Variants in MCF2L2 observed in about 807,000 individuals in gnomAD.
The protein encoded by MCF2L2 is probable guanine nucleotide exchange factor MCF2L2.
MCF2L2 carries 102 observed loss-of-function variants against 150.2 expected under a neutral mutation model. The ratio of observed to expected loss-of-function variants is 0.68; its 90% confidence interval spans 0.58 to 0.80. The LOEUF (loss-of-function observed/expected upper bound fraction) is 0.80, where lower values mean the gene tolerates loss of function less well. MCF2L2 is among the 30% of genes least tolerant of loss of function. The pLI is 0.00. For synonymous variants in MCF2L2, 465 were observed against 491.3 expected (o/e 0.95, Z 0.71); for missense variants, 1,256 against 1,372.8 (o/e 0.91, Z 1.34).
At chr3:183,354,365 G>T (rs751672606) in intron 3 of MCF2L2, among the ~76,000 whole-genome samples, 1 of 152,102 alleles carries the variant, frequency 6.6e-6, no homozygotes, top group Non-Finnish European at 1.5e-5. Context: ...CCTGATCCAG[G>T]AGAGAGATTT....
chr3:183,266,534 AGGGCCCTTGTTTTG>A (rs1726139013), intron 15 of MCF2L2, among the ~76,000 whole-genome samples: 1 of 152,214 alleles, frequency 6.6e-6, no homozygotes, highest in Admixed American at 6.5e-5. Context: ...AGGAGGCCAG[AGGGCCCTTGTTTTG>A]GGGCTTCAGA....
At chr3:183,369,976 G>A (rs1279585690) in intron 3 of MCF2L2, among the ~76,000 whole-genome samples, 2 of 152,154 alleles carry the variant, frequency 1.3e-5, no homozygotes, top group East Asian at 3.9e-4. Flanking sequence ...ATTCTTCACT[G>A]TAACAACCCA....
chr3:183,217,366 G>C (rs1483354927), intron 21 of MCF2L2, among the ~76,000 whole-genome samples: 3 of 147,780 alleles, frequency 2.0e-5, no homozygotes, highest in African/African-American at 7.5e-5. Flanking sequence ...CAGCTACTCA[G>C]GAGGCTGAGG....
chr3:183,191,152 A>G (rs2108634074), intron 27 of MCF2L2, among the ~76,000 whole-genome samples: 1 of 152,350 alleles, frequency 6.6e-6, no homozygotes, highest in African/African-American at 2.4e-5. Context: ...CTGGGATTAC[A>G]GGCGTGAGCC....
intron 15 of MCF2L2, among the ~76,000 whole-genome samples, chr3:183,264,289 C>T (rs914384763): frequency 1.3e-5 from 2 of 152,198 alleles, no homozygotes; most frequent in Admixed American, 6.5e-5. Flanking sequence ...TCCTAGTCGT[C>T]CTCAGGCCCT....
chr3:183,318,327 A>G, intron 6 of MCF2L2, 110 bp from the exon 7 acceptor site: 1 of 1,276,058 alleles, frequency 7.8e-7, no homozygotes, highest in Non-Finnish European at 1.1e-6. Context: ...TAATCACCTC[A>G]CCTTGGAAAT....
chr3:183,210,230 G>C (rs1269053018), intron 22 of MCF2L2, among the ~76,000 whole-genome samples: 2 of 152,166 alleles, frequency 1.3e-5, no homozygotes, highest in African/African-American at 4.8e-5. Context: ...GCAACATAGG[G>C]AGATCACCAT....
intron 1 of MCF2L2, among the ~76,000 whole-genome samples, chr3:183,395,515 G>T (rs1714386677): frequency 6.6e-6 from 1 of 152,116 alleles, no homozygotes; most frequent in Non-Finnish European, 1.5e-5. Flanking sequence ...TATGCTATTG[G>T]TACTTTATTG....
intron 17 of MCF2L2, 148 bp from the exon 18 acceptor site, chr3:183,228,514 A>AG (rs1400808351): frequency 9.1e-6 from 5 of 551,808 alleles, no homozygotes; most frequent in Admixed American, 3.1e-5. Flanking sequence ...ACATTGATTC[A>AG]GAAAAAAAAG....
intron 15 of MCF2L2, among the ~76,000 whole-genome samples, chr3:183,241,856 A>G (rs1724040520): frequency 6.6e-6 from 1 of 152,190 alleles, no homozygotes; most frequent in Non-Finnish European, 1.5e-5. Flanking sequence ...AGACTTGTTG[A>G]ATGGCTTTGA....
At chr3:183,219,528 T>G (rs1348142202) in intron 21 of MCF2L2, among the ~76,000 whole-genome samples, 2 of 152,008 alleles carry the variant, frequency 1.3e-5, no homozygotes, top group African/African-American at 4.8e-5. Context: ...GGAGAATCGC[T>G]TGAACCCGGG....
At chr3:183,358,764 G>A (rs1475994112) in intron 3 of MCF2L2, among the ~76,000 whole-genome samples, 6 of 151,838 alleles carry the variant, frequency 4.0e-5, no homozygotes, top group African/African-American at 1.5e-4. Flanking sequence ...GGGACTACAG[G>A]CATGTTCCAC....
intron 3 of MCF2L2, chr3:183,374,690 A>C (rs1340885538): frequency 2.0e-5 from 3 of 151,900 alleles, no homozygotes; most frequent in Non-Finnish European, 4.4e-5. Flanking sequence ...AAAAGAAAGA[A>C]AGAAAGAAAG....
chr3:183,244,711 A>G (rs1011700217), intron 15 of MCF2L2, among the ~76,000 whole-genome samples: 1 of 152,148 alleles, frequency 6.6e-6, no homozygotes, highest in Non-Finnish European at 1.5e-5. Context: ...CAGTGTTTGC[A>G]TAATACCATG....
At chr3:183,219,763 GACC>G in intron 21 of MCF2L2, 90 bp downstream of exon 21, 1 of 816,728 alleles carries the variant, frequency 1.2e-6, no homozygotes, top group Non-Finnish European at 2.0e-6. Flanking sequence ...AGATAATAAA[GACC>G]ACCAAGTAAA....
intron 14 of MCF2L2, among the ~76,000 whole-genome samples, chr3:183,280,859 A>AC (rs1479737974): frequency 5.9e-5 from 9 of 151,572 alleles, no homozygotes; most frequent in East Asian, 3.9e-4. Context: ...AAAAAAAAAA[A>AC]AAACAAACAA....
chr3:183,427,914 T>G lies in MCF2L2; in HGVS notation c.64A>C (p.Ile22Leu). ...QELTRRLATV[I>L]THVDEIMQQE... Reference sequence around the variant, plus strand: ...AAGCTTCGTTTACCGACATGAGTGATCACTGTGGCCAGTCGCCGGGTGAGC... The same window carrying G: ...AAGCTTCGTTTACCGACATGAGTGAGCACTGTGGCCAGTCGCCGGGTGAGC... Residue 22 changes from isoleucine to leucine, a missense_variant, in exon 1 of 30, where the codon ATC (isoleucine) becomes CTC (leucine). By Grantham distance (5) the Ile-to-Leu change is conservative. Coordinates refer to ENST00000328913, the MANE Select transcript of MCF2L2 (RefSeq NM_015078.4). 2 of 1,613,998 alleles carry G rather than the reference T, an allele frequency of 1.2e-6. No homozygotes were observed. Among genetic ancestry groups the G allele is most frequent in the Non-Finnish European group, 1.7e-6 (2 of 1,179,850 alleles).
intron 3 of MCF2L2, among the ~76,000 whole-genome samples, chr3:183,349,123 G>T (rs1038823184): frequency 3.3e-5 from 5 of 152,150 alleles, no homozygotes; most frequent in African/African-American, 1.2e-4. Context: ...CATAGAGGGT[G>T]CACTTCTGAT....
At chr3:183,380,367 C>A (rs1713447943) in intron 2 of MCF2L2, among the ~76,000 whole-genome samples, 1 of 152,156 alleles carries the variant, frequency 6.6e-6, no homozygotes, top group Non-Finnish European at 1.5e-5. Flanking sequence ...ATATGCACTA[C>A]TACTACCATA....
Sources: gnomAD v4.1 joint callset for allele counts (sites outside exome capture counted in the v4.1 genomes callset) on GRCh38, gnomAD v4.1.1 for gene constraint, MANE v1.5 for transcripts, NCBI Gene and HGNC (gene_info 2026-07-23, HGNC 2026-07-21) for gene names.